Variants in MAG observed in about 807,000 individuals in gnomAD.
The protein encoded by MAG is myelin-associated glycoprotein.
MAG carries 30 observed loss-of-function variants against 60.7 expected under a neutral mutation model. The ratio of observed to expected loss-of-function variants is 0.49; its 90% CI spans 0.37 to 0.67. The LOEUF (loss-of-function observed/expected upper bound fraction) is 0.67. Ranked by LOEUF, MAG falls within the 30% of genes least tolerant of loss-of-function variation. The probability of loss-of-function intolerance (pLI) is 0.00; values close to 1 mark genes in which losing one functional copy is unlikely to be tolerated. For missense variants in MAG, 795 were observed against 851.7 expected (o/e 0.93, Z 0.83); for synonymous variants, 384 against 376.8 (o/e 1.02, Z -0.22).
chr19:35,305,545 G>A (rs1489556732), intron 7 of MAG, among the ~76,000 whole-genome samples: 1 of 152,204 alleles, frequency 6.6e-6, no homozygotes. Flanking sequence ...ACAGACCTGG[G>A]CTAGAATCCC....
Position 35,302,745 on chromosome 19 carries a change from G to T in MAG, c.1231+37G>T, listed in dbSNP as rs575786963. ...CCGCTCCCCTATGCTGGGGATGGAC[G>T]GTTCCGTGGGGGACACCAGGGTTAC... On this transcript the variant is annotated intron_variant, in intron 7 of 10. Transcript: ENST00000392213. 1.4e-5 allele frequency: 23 copies of T among 1,600,684 alleles called. No homozygotes were observed. In the African/African-American group the frequency reaches 2.9e-4, roughly 20 times the overall value.
In MAG at chr19:35,302,345, G is replaced by A. The variant is rs1568473224; in HGVS notation, c.971-103G>A. 3 of 1,403,072 alleles carry A rather than the reference G, an allele frequency of 2.1e-6. No homozygotes were observed. In the East Asian group the frequency reaches 7.1e-5, roughly 33 times the overall value. The allele number at this position is 1,403,072 out of a possible 1,614,324, so 86.9% of individuals were successfully genotyped here. A position where few individuals can be genotyped will look rare whatever the true frequency, so the allele number is the denominator to read the frequency against. ...CACCTGAGCCTTCCTGAACCGGTGTGCTAGGTTTGGGGTGGGATCTGGGGT... is the reference window on the plus strand; with the variant it reads ...CACCTGAGCCTTCCTGAACCGGTGTACTAGGTTTGGGGTGGGATCTGGGGT... On this transcript the variant is annotated intron_variant, in intron 6 of 10. Transcript: ENST00000392213.
At chr19:35,303,768 C>T (rs2066465238) in intron 7 of MAG, among the ~76,000 whole-genome samples, 1 of 152,126 alleles carries the variant, frequency 6.6e-6, no homozygotes, top group South Asian at 2.1e-4. Context: ...CTCTCATCTC[C>T]TCACTATGGA....
Position 35,299,794 on chromosome 19 carries a change from C to A in MAG, c.656C>A (p.Ala219Asp). ...AACGGCCACAGGCTGGGCTGCCAGG[C>A]CTCCTTCCCCAACACCACCCTGCAG... The part of the protein sequence containing the change: ...EANGHRLGCQ[A>D]SFPNTTLQFE... Residue 219 changes from alanine (A) to aspartate (D), a missense_variant, in exon 5 of 11, where the codon GCC becomes GAC. Coordinates refer to ENST00000392213, the MANE Select transcript of MAG (RefSeq NM_002361.4). 1 of 1,542,088 alleles carries A rather than the reference C, an allele frequency of 6.5e-7. No homozygotes were observed. The highest frequency in any genetic ancestry group is 8.7e-7 in the Non-Finnish European group (1 of 1,148,554).
At chr19:35,312,232 C>G in intron 10 of MAG, 2 of 1,562,736 alleles carry the variant, frequency 1.3e-6, no homozygotes, top group Non-Finnish European at 1.8e-6. Context: ...GCCTAAGGGC[C>G]CCCTCCCCTC....
intron 7 of MAG, 164 bp from the exon 8 acceptor site, chr19:35,309,710 C>A: frequency 1.3e-6 from 1 of 762,836 alleles, no homozygotes; most frequent in Non-Finnish European, 2.1e-6. Context: ...GGTCAAGGCG[C>A]TCTCAGTCAG....
chr19:35,306,805 C>T (rs1335911029), intron 7 of MAG, among the ~76,000 whole-genome samples: 2 of 152,202 alleles, frequency 1.3e-5, no homozygotes, highest in African/African-American at 4.8e-5. Context: ...TTGTGAGTTA[C>T]TGACTGTAAC....
chr19:35,304,127 C>T (rs982229061), intron 7 of MAG, among the ~76,000 whole-genome samples: 8 of 152,182 alleles, frequency 5.3e-5, no homozygotes, highest in African/African-American at 1.9e-4. Flanking sequence ...GGTTAGTCCT[C>T]GGGGGCAACC....
In MAG at chr19:35,310,133, G is replaced by C; in HGVS notation, c.1491G>C (p.Lys497Asn). ...CCGCGAGGAACCTCTATGGCGCCAA[G>C]AGCCTGGAGCTGCCCTTCCAGGGAG... ...ICTARNLYGA[K>N]SLELPFQGAH... Residue 497 changes from lysine (K) to asparagine (N), a missense_variant, in exon 8 of 11, where the codon AAG becomes AAC. By Grantham distance (94) the Lys-to-Asn change is moderately conservative. Coordinates refer to ENST00000392213, the MANE Select transcript of MAG (RefSeq NM_002361.4). 1 of 1,608,614 alleles carries C rather than the reference G, an allele frequency of 6.2e-7. No homozygotes were observed. The highest frequency in any genetic ancestry group is 8.5e-7 in the Non-Finnish European group (1 of 1,176,098).
At chr19:35,308,501 G>T (rs1434833247) in intron 7 of MAG, among the ~76,000 whole-genome samples, 3 of 152,202 alleles carry the variant, frequency 2.0e-5, no homozygotes, top group Admixed American at 6.5e-5. Context: ...GGAGGCCAAG[G>T]CAGGAGGATT....
At chr19:35,298,725 C>T (rs1397523423) in intron 4 of MAG, among the ~76,000 whole-genome samples, 2 of 149,488 alleles carry the variant, frequency 1.3e-5, no homozygotes, top group East Asian at 4.0e-4. Flanking sequence ...AACCACACCA[C>T]ACACACACCA....
chr19:35,298,576 A>G (rs2066420898), intron 4 of MAG, among the ~76,000 whole-genome samples: 1 of 145,686 alleles, frequency 6.9e-6, no homozygotes, highest in African/African-American at 2.6e-5. Flanking sequence ...CACACACACT[A>G]CACCCTACAC....
intron 1 of MAG, among the ~76,000 whole-genome samples, chr19:35,292,848 A>T (rs533471061): frequency 1.3e-5 from 2 of 151,920 alleles, no homozygotes; most frequent in Non-Finnish European, 1.5e-5. Flanking sequence ...GATTCTCCCA[A>T]CTTGGCCTTC....
chr19:35,298,871 C>A (rs71352915), intron 4 of MAG, among the ~76,000 whole-genome samples: 18,723 of 151,008 alleles, frequency 0.12, 1,284 homozygotes, highest in Middle Eastern at 0.24. Context: ...AGACCACACA[C>A]CACATACACC....
In MAG at chr19:35,300,192, A is replaced by T. The variant is rs2066437773; in HGVS notation, c.758A>T (p.Glu253Val). 2 of 1,567,580 alleles carry T rather than the reference A, an allele frequency of 1.3e-6. No homozygotes were observed. The highest frequency in any genetic ancestry group is 3.6e-5 in the Admixed American group (2 of 56,070). ...VEMNSSVEAI[E>V]GSHVSLLCGA... ...ATGAACTCCTCGGTGGAGGCCATCG[A>T]GGGCTCCCACGTGAGCCTGCTCTGT... Residue 253 changes from glutamate (E) to valine (V), a missense_variant, in exon 6 of 11, where the codon GAG (glutamate) becomes GTG (valine). Physicochemically the swap from Glu to Val is moderately radical, Grantham distance 121. Coordinates refer to ENST00000392213, the MANE Select transcript of MAG (RefSeq NM_002361.4).
chr19:35,292,846 C>G (rs564773297), intron 1 of MAG, among the ~76,000 whole-genome samples: 1 of 152,054 alleles, frequency 6.6e-6, no homozygotes, highest in East Asian at 1.9e-4. Flanking sequence ...GAGATTCTCC[C>G]AACTTGGCCT....
chr19:35,292,197 G>A lies in MAG; in HGVS notation c.-87G>A, dbSNP rs1390038090. ...GCGGAGCAGAGGTGCAGAAGCAACT[G>A]AGTCCAAGTGAGTATGGTGGCAGGG... is the stretch of plus-strand genomic sequence containing the variant. On this transcript the variant is annotated 5_prime_UTR_variant, in exon 1 of 11. Coordinates refer to ENST00000392213, the MANE Select transcript of MAG (RefSeq NM_002361.4). 2.0e-5 allele frequency: 9 copies of A among 455,490 alleles called. No individual in the cohort carries two copies. The highest frequency in any genetic ancestry group is 3.1e-5 in the Non-Finnish European group (7 of 226,950). 28.2% of individuals were successfully genotyped at this position (455,490 alleles called of 1,614,324 possible).
intron 4 of MAG, 141 bp downstream of exon 4, chr19:35,296,122 C>T: frequency 8.7e-7 from 1 of 1,148,140 alleles, no homozygotes; most frequent in South Asian, 1.5e-5. Flanking sequence ...GGGGTGCAAA[C>T]CTCAAGGCCC....
chr19:35,300,459 G>A, intron 6 of MAG, 55 bp downstream of exon 6: 1 of 1,511,140 alleles, frequency 6.6e-7, no homozygotes, highest in Non-Finnish European at 8.8e-7. Flanking sequence ...GAGATAAAGG[G>A]AAAGGGGCCT....
Sources: allele counts gnomAD v4.1 joint callset (sites outside exome capture counted in the v4.1 genomes callset), GRCh38; gene constraint gnomAD v4.1.1; transcripts MANE v1.5; gene names NCBI Gene and HGNC (gene_info 2026-07-23, HGNC 2026-07-21).